ANTXR1: variants seen among roughly 807,000 people sequenced by gnomAD.
The protein encoded by ANTXR1 is ANTXR cell adhesion molecule 1.
ANTXR1 carries 19 observed loss-of-function variants against 78.1 expected under a neutral mutation model. That is an observed-to-expected ratio of 0.24 (90% CI 0.17 to 0.36). ANTXR1 has a LOEUF of 0.36. ANTXR1 is among the 10% of genes least tolerant of loss of function. The probability of loss-of-function intolerance (pLI) is 1.00; values close to 1 mark genes in which losing one functional copy is unlikely to be tolerated. For missense variants in ANTXR1, 518 were observed against 718.6 expected, an observed-to-expected ratio of 0.72 and a Z score of 3.19; for synonymous variants, 273 against 260.5, an observed-to-expected ratio of 1.05 and a Z score of -0.46.
intron 17 of ANTXR1, among the ~76,000 whole-genome samples, chr2:69,217,200 G>A (rs913655354): frequency 1.3e-5 from 2 of 152,182 alleles, no homozygotes; most frequent in Non-Finnish European, 2.9e-5. Context: ...TTCCTGCCAA[G>A]GACTGACATG....
In ANTXR1 at chr2:69,053,005, A is replaced by G. The variant is rs563000731; in HGVS notation, c.296+8192A>G. ...CCTTGCTGTTGAAGGTATGTCTTCA[A>G]CATAAATATACACTAGAATGTCTTC... On this transcript the variant is annotated intron_variant, in intron 3 of 17. Coordinates refer to ENST00000303714, the MANE Select transcript of ANTXR1 (RefSeq NM_032208.3). 2.1e-4 allele frequency among the ~76,000 whole-genome samples: 32 copies of G among 152,334 alleles called. 1 individual carries two copies. Among genetic ancestry groups the G allele is most frequent in the Non-Finnish European group, 3.4e-4 (23 of 68,022 alleles).
intron 3 of ANTXR1, among the ~76,000 whole-genome samples, chr2:69,062,091 C>T (rs1383167015): frequency 2.0e-5 from 3 of 152,088 alleles, no homozygotes; most frequent in Admixed American, 6.6e-5. Flanking sequence ...AAGGTGGATG[C>T]GTGGTCTAGG....
At chr2:69,151,133 A>G (rs1372374607) in intron 12 of ANTXR1, among the ~76,000 whole-genome samples, 2 of 139,624 alleles carry the variant, frequency 1.4e-5, no homozygotes, top group South Asian at 2.2e-4. Context: ...TTAACCATTT[A>G]TGTTTTCATT....
chr2:69,130,936 T>C (rs1188761900), intron 12 of ANTXR1, among the ~76,000 whole-genome samples: 3 of 152,192 alleles, frequency 2.0e-5, no homozygotes, highest in African/African-American at 4.8e-5. Flanking sequence ...CAAACAAGAC[T>C]GGGTGGCAGG....
intron 12 of ANTXR1, among the ~76,000 whole-genome samples, chr2:69,129,447 C>A (rs528106063): frequency 3.3e-5 from 5 of 152,200 alleles, no homozygotes; most frequent in African/African-American, 1.2e-4. Flanking sequence ...AAGAGTCCAA[C>A]AAGCATATAA....
At chr2:69,156,187 C>T (rs1349884201) in intron 13 of ANTXR1, among the ~76,000 whole-genome samples, 1 of 152,170 alleles carries the variant, frequency 6.6e-6, no homozygotes, top group African/African-American at 2.4e-5. Flanking sequence ...AAACTGCAAC[C>T]GTTTCTCTGA....
intron 14 of ANTXR1, among the ~76,000 whole-genome samples, chr2:69,174,682 A>G (rs7565117): frequency 0.22 from 33,561 of 152,102 alleles, 5,432 homozygotes; most frequent in East Asian, 0.49. Flanking sequence ...TTGGTGACCT[A>G]ATCAGTCCTA....
chr2:69,032,654 T>C (rs1296365286), intron 1 of ANTXR1, among the ~76,000 whole-genome samples: 2 of 152,188 alleles, frequency 1.3e-5, no homozygotes, highest in Non-Finnish European at 2.9e-5. Flanking sequence ...TACTAACCCA[T>C]TGTCTGTATT....
At chr2:69,176,693 T>G (rs1226855693) in intron 14 of ANTXR1, among the ~76,000 whole-genome samples, 1 of 152,174 alleles carries the variant, frequency 6.6e-6, no homozygotes, top group Non-Finnish European at 1.5e-5. Context: ...AGTGAAATAA[T>G]TGACAAATAA....
At chr2:69,197,883 T>C (rs1393915971) in intron 17 of ANTXR1, among the ~76,000 whole-genome samples, 1 of 152,242 alleles carries the variant, frequency 6.6e-6, no homozygotes, top group Non-Finnish European at 1.5e-5. Flanking sequence ...ACTTGGTCCA[T>C]GATGATATGG....
chr2:69,062,981 A>G (rs959898298), intron 3 of ANTXR1, among the ~76,000 whole-genome samples: 15 of 152,208 alleles, frequency 9.9e-5, no homozygotes, highest in South Asian at 2.1e-4. Context: ...CAGATTGAAC[A>G]CCACAGAAAA....
At chr2:69,105,739 A>G (rs1240571491) in intron 10 of ANTXR1, among the ~76,000 whole-genome samples, 1 of 152,170 alleles carries the variant, frequency 6.6e-6, no homozygotes, top group East Asian at 1.9e-4. Context: ...TATATCACAT[A>G]TTTCTTTTTT....
chr2:69,216,735 A>C (rs1675188081), intron 17 of ANTXR1, among the ~76,000 whole-genome samples: 1 of 152,182 alleles, frequency 6.6e-6, no homozygotes, highest in South Asian at 2.1e-4. Flanking sequence ...CTCTTTGTCT[A>C]TTCTGTAAAT....
At chr2:69,195,189 G>T (rs202006617) in intron 17 of ANTXR1, among the ~76,000 whole-genome samples, 101 of 124,704 alleles carry the variant, frequency 8.1e-4, no homozygotes, top group African/African-American at 4.2e-3. Flanking sequence ...AAAAGAAAAA[G>T]AAAAAAAAAA....
chr2:69,161,357 A>G (rs1673677845), intron 13 of ANTXR1, among the ~76,000 whole-genome samples: 1 of 152,210 alleles, frequency 6.6e-6, no homozygotes, highest in Non-Finnish European at 1.5e-5. Flanking sequence ...AGATGAGATG[A>G]GAGACCAAAA....
intron 17 of ANTXR1, among the ~76,000 whole-genome samples, chr2:69,244,363 G>T (rs1420618200): frequency 6.6e-6 from 1 of 152,212 alleles, no homozygotes; most frequent in African/African-American, 2.4e-5. Context: ...TACACAGGTT[G>T]TCAGTTCCTG....
At chr2:69,221,945 C>G (rs748816033) in intron 17 of ANTXR1, among the ~76,000 whole-genome samples, 44 of 152,084 alleles carry the variant, frequency 2.9e-4, no homozygotes, top group Non-Finnish European at 5.7e-4. Context: ...ACTATAGAAC[C>G]AGATCTATGA....
chr2:69,055,961 C>G (rs775039812), intron 3 of ANTXR1, among the ~76,000 whole-genome samples: 2 of 152,136 alleles, frequency 1.3e-5, no homozygotes, highest in African/African-American at 2.4e-5. Context: ...GATAGTAATG[C>G]CCACCATATG....
rs542371982 is a variant in ANTXR1, at chr2:69,192,477, AT to A, written c.1354-855del. Among the ~76,000 whole-genome samples the A allele has an allele frequency of 9.4e-4, 143 of 152,212 alleles. 1 individual carries two copies. The highest frequency in any genetic ancestry group is 3.1e-3 in the African/African-American group (130 of 41,518). On this transcript the variant is annotated intron_variant, in intron 16 of 17. Coordinates refer to ENST00000303714, the MANE Select transcript of ANTXR1 (RefSeq NM_032208.3). The stretch of plus-strand genomic sequence containing the variant: ...TCTATCCGCACATCTCCTTCTCTGG[AT>A]TTGACCCTCCTGCCAAAAGCCACCA...
Sources: allele counts gnomAD v4.1 joint callset (sites outside exome capture counted in the v4.1 genomes callset), GRCh38; gene constraint gnomAD v4.1.1; transcripts MANE v1.5; gene names NCBI Gene and HGNC (gene_info 2026-07-23, HGNC 2026-07-21).